Variants in CCDC7 observed in about 807,000 individuals in gnomAD.
The protein encoded by CCDC7 is coiled-coil domain containing 7, also known as coiled-coil domain-containing protein 7.
CCDC7 carries 183 observed loss-of-function variants against 196.9 expected under a neutral mutation model. That is an observed-to-expected ratio of 0.93 (90% CI 0.82 to 1.05). The LOEUF (loss-of-function observed/expected upper bound fraction) is 1.05. CCDC7 is among the 50% of genes least tolerant of loss of function. The pLI, the probability that CCDC7 is intolerant of heterozygous loss-of-function variation, is 0.00. For missense variants in CCDC7, 1,540 were observed against 1,482.2 expected (o/e 1.04, Z -0.64); for synonymous variants, 525 against 484.6 (o/e 1.08, Z -1.10).
intron 20 of CCDC7, among the ~76,000 whole-genome samples, chr10:32,639,124 CTTCT>C (rs1332366587): frequency 6.6e-5 from 10 of 152,056 alleles, no homozygotes; most frequent in African/African-American, 1.9e-4. Context: ...TCTCTCTTTT[CTTCT>C]TTATTAGTCT....
rs927599637 is a variant in CCDC7 at position 32,567,578 on chromosome 10, T to C, written c.1198-92T>C. 2.2e-6 allele frequency: 3 copies of C among 1,369,616 alleles called. No homozygotes were observed. The Admixed American group carries it at 8.3e-5, about 38-fold the overall frequency. 84.8% of individuals were successfully genotyped at this position (1,369,616 alleles called of 1,614,324 possible). ...AGTAAAAATGAGTTGAGAAATCATGTAGGCGTAAATATATGTAGATTCCTG... is the reference window on the plus strand; with the variant it reads ...AGTAAAAATGAGTTGAGAAATCATGCAGGCGTAAATATATGTAGATTCCTG... On this transcript the variant is annotated intron_variant, in intron 14 of 41. Transcript: ENST00000639629.
intron 30 of CCDC7, among the ~76,000 whole-genome samples, chr10:32,809,531 GA>G (rs1331963901): frequency 6.6e-5 from 10 of 151,930 alleles, no homozygotes; most frequent in African/African-American, 2.4e-4. Context: ...AAATTTGCAA[GA>G]AAAAAACAAA....
At chr10:32,541,368 G>T (rs540001987) in intron 11 of CCDC7, among the ~76,000 whole-genome samples, 1 of 139,932 alleles carries the variant, frequency 7.1e-6, no homozygotes, top group South Asian at 2.7e-4. Context: ...TGCCCATATG[G>T]GTATCAATGG....
chr10:32,522,161 G>C (rs1564538600), intron 11 of CCDC7, among the ~76,000 whole-genome samples: 1 of 152,158 alleles, frequency 6.6e-6, no homozygotes, highest in Non-Finnish European at 1.5e-5. Context: ...CTTTTGTCTA[G>C]ATTTGATATC....
chr10:32,598,223 C>A (rs2138193309), intron 18 of CCDC7, among the ~76,000 whole-genome samples: 1 of 152,312 alleles, frequency 6.6e-6, no homozygotes. Context: ...CCACCCCCAG[C>A]CTCACTGTCG....
chr10:32,725,364 C>T (rs541509268), intron 25 of CCDC7: 2 of 471,010 alleles, frequency 4.2e-6, no homozygotes, highest in South Asian at 3.1e-5. Flanking sequence ...GCCCCCAACA[C>T]TCTTGCCCAA....
At chr10:32,592,574 A>G (rs2059883172) in intron 18 of CCDC7, among the ~76,000 whole-genome samples, 1 of 151,856 alleles carries the variant, frequency 6.6e-6, no homozygotes, top group Non-Finnish European at 1.5e-5. Flanking sequence ...TTTTACTTTA[A>G]GTTCTAGGGT....
chr10:32,716,602 C>A (rs377419063), intron 25 of CCDC7, among the ~76,000 whole-genome samples: 6 of 152,122 alleles, frequency 3.9e-5, no homozygotes, highest in South Asian at 2.1e-4. Context: ...CACAGACTGG[C>A]AAATTGGATA....
At chr10:32,468,085 A>G (rs552356719) in intron 5 of CCDC7, among the ~76,000 whole-genome samples, 9 of 152,284 alleles carry the variant, frequency 5.9e-5, no homozygotes, top group African/African-American at 1.7e-4. Context: ...TTTGGTTCCA[A>G]TATGAGCTTA....
chr10:32,806,430 C>G (rs1592953183), intron 30 of CCDC7, among the ~76,000 whole-genome samples: 1 of 151,986 alleles, frequency 6.6e-6, no homozygotes, highest in South Asian at 2.1e-4. Flanking sequence ...CAGACAATGA[C>G]TACAAAGCAG....
chr10:32,451,557 G>A, upstream of CCDC7: 1 of 1,483,530 alleles, frequency 6.7e-7, no homozygotes, highest in Non-Finnish European at 9.0e-7. Context: ...ATTAGAGCCT[G>A]GTGTTTTCTC....
exon 22 of CCDC7, chr10:32,686,065 G>A (rs1404570735): frequency 6.8e-7 from 1 of 1,468,852 alleles, no homozygotes; most frequent in Non-Finnish European, 9.3e-7. Flanking sequence ...AACTTCTACA[G>A]AGCAACCACT....
intron 20 of CCDC7, among the ~76,000 whole-genome samples, chr10:32,655,351 T>G (rs2069600069): frequency 6.6e-6 from 1 of 152,172 alleles, no homozygotes; most frequent in South Asian, 2.1e-4. Flanking sequence ...CACCAACAAT[T>G]ATACAAGGGT....
chr10:32,670,498 G>A (rs1235501431), intron 21 of CCDC7, among the ~76,000 whole-genome samples: 2 of 150,316 alleles, frequency 1.3e-5, no homozygotes, highest in Non-Finnish European at 1.5e-5. Context: ...CCACTAACTC[G>A]TCATCTAGCA....
At chr10:32,623,243 C>G (rs1356892) in intron 18 of CCDC7, among the ~76,000 whole-genome samples, 21,023 of 151,940 alleles carry the variant, frequency 0.14, 1,758 homozygotes, top group East Asian at 0.25. Flanking sequence ...TTTAAAAGGG[C>G]CTTGTCCTTC....
At chr10:32,507,056 G>A (rs990586747) in intron 9 of CCDC7, among the ~76,000 whole-genome samples, 3 of 150,372 alleles carry the variant, frequency 2.0e-5, no homozygotes, top group Admixed American at 6.6e-5. Context: ...GCAGTGGCGC[G>A]ATCTCAGGTC....
At chr10:32,754,506 G>C (rs921338036) in intron 28 of CCDC7, among the ~76,000 whole-genome samples, 1 of 152,148 alleles carries the variant, frequency 6.6e-6, no homozygotes, top group Non-Finnish European at 1.5e-5. Context: ...TGGTGTTGAT[G>C]AAATTTTATA....
intron 16 of CCDC7, among the ~76,000 whole-genome samples, chr10:32,572,866 C>CTTTTTT (rs576270039): frequency 8.6e-4 from 78 of 90,390 alleles, no homozygotes; most frequent in African/African-American, 2.3e-3. Context: ...AAGCATGGTG[C>CTTTTTT]TTTTTTTTTT....
intron 33 of CCDC7, among the ~76,000 whole-genome samples, chr10:32,843,561 A>T (rs1313547378): frequency 2.6e-5 from 4 of 152,028 alleles, no homozygotes; most frequent in Admixed American, 6.6e-5. Flanking sequence ...GATCATATTT[A>T]AAAAGAATTA....
Sources: allele counts gnomAD v4.1 joint callset (sites outside exome capture counted in the v4.1 genomes callset), GRCh38; gene constraint gnomAD v4.1.1; transcripts MANE v1.5; gene names NCBI Gene and HGNC (gene_info 2026-07-23, HGNC 2026-07-21).